The following WDPCP variants were observed in gnomAD, a reference collection of about 807,000 sequenced individuals.
WDPCP encodes WD repeat containing planar cell polarity effector.
WDPCP carries 71 observed loss-of-function variants against 93.1 expected under a neutral mutation model. The observed-to-expected ratio is 0.76, with a 90% CI of 0.63 to 0.93. The LOEUF is 0.93. WDPCP is among the 40% of genes least tolerant of loss of function. The pLI, the probability that WDPCP is intolerant of heterozygous loss-of-function variation, is 0.00. For missense variants in WDPCP, 844 were observed against 887.4 expected (o/e 0.95, Z 0.62); for synonymous variants, 315 against 315.0 (o/e 1.00, Z 0.00).
chr2:63,146,620 C>T (rs1474590084), intron 17 of WDPCP, among the ~76,000 whole-genome samples: 1 of 152,010 alleles, frequency 6.6e-6, no homozygotes, highest in Admixed American at 6.6e-5. Flanking sequence ...CGTGATCTAC[C>T]CGCCTCGGCC....
chr2:63,416,200 C>CTTT (rs70965129), intron 9 of WDPCP, among the ~76,000 whole-genome samples: 1 of 147,736 alleles, frequency 6.8e-6, no homozygotes, highest in Non-Finnish European at 1.5e-5. Flanking sequence ...CTTTTTTTTC[C>CTTT]TTTTTTTTTT....
At chr2:63,593,548 A>T (rs1192078010), upstream of WDPCP, 1 of 471,110 alleles carries the variant, frequency 2.1e-6, no homozygotes, top group Non-Finnish European at 4.4e-6. Context: ...CGTGACTCTC[A>T]TCTGGAAGAA....
At chr2:63,269,866 C>A (rs888115885) in intron 13 of WDPCP, among the ~76,000 whole-genome samples, 2 of 152,186 alleles carry the variant, frequency 1.3e-5, no homozygotes, top group Non-Finnish European at 2.9e-5. Context: ...GCCTTCAACA[C>A]ATTCAAATTC....
chr2:63,231,718 A>G (rs1468308436), intron 14 of WDPCP, among the ~76,000 whole-genome samples: 4 of 152,192 alleles, frequency 2.6e-5, no homozygotes, highest in African/African-American at 7.2e-5. Context: ...ATGCTCATGG[A>G]TAGGAAGAAT....
intron 15 of WDPCP, among the ~76,000 whole-genome samples, chr2:63,172,805 A>T (rs1673496557): frequency 3.3e-5 from 5 of 152,202 alleles, no homozygotes. Flanking sequence ...GCTATAAAGT[A>T]CCATGCAATC....
At chr2:63,832,436 G>C (rs952641417), upstream of WDPCP, among the ~76,000 whole-genome samples, 6 of 151,690 alleles carry the variant, frequency 4.0e-5, no homozygotes, top group African/African-American at 9.7e-5. Flanking sequence ...GGGTGGGGGG[G>C]GGAAATTCCA....
chr2:63,601,314 A>T (rs888236719), intron 3 of WDPCP, among the ~76,000 whole-genome samples: 2 of 152,212 alleles, frequency 1.3e-5, no homozygotes, highest in Non-Finnish European at 2.9e-5. Flanking sequence ...TTTGTCTTGG[A>T]ATTCAGAGGC....
At chr2:63,732,912 G>A (rs1257428291) in intron 2 of WDPCP, among the ~76,000 whole-genome samples, 1 of 152,168 alleles carries the variant, frequency 6.6e-6, no homozygotes, top group Non-Finnish European at 1.5e-5. Context: ...CTACAGATAT[G>A]TAAAAAGTCA....
chr2:63,767,835 T>C (rs1473184332), intron 2 of WDPCP, among the ~76,000 whole-genome samples: 1 of 152,098 alleles, frequency 6.6e-6, no homozygotes, highest in Non-Finnish European at 1.5e-5. Flanking sequence ...TGTCTCAATT[T>C]TGATAGAGTT....
intron 6 of WDPCP, among the ~76,000 whole-genome samples, chr2:63,461,991 C>T (rs1371264839): frequency 1.3e-5 from 2 of 152,214 alleles, no homozygotes; most frequent in African/African-American, 4.8e-5. Flanking sequence ...CCAGCCATCC[C>T]ATTACTGGGT....
chr2:63,161,735 G>A (rs921651058), intron 15 of WDPCP, among the ~76,000 whole-genome samples: 2 of 150,942 alleles, frequency 1.3e-5, no homozygotes, highest in African/African-American at 4.9e-5. Flanking sequence ...AATATATGTT[G>A]TAATTTCAAC....
chr2:63,770,094 A>T (rs368937422), intron 2 of WDPCP, among the ~76,000 whole-genome samples: 2 of 152,012 alleles, frequency 1.3e-5, no homozygotes, highest in African/African-American at 4.8e-5. Flanking sequence ...GTAATAAAGG[A>T]TAATTTAAAA....
At chr2:63,283,687 TC>T (rs1435274476) in intron 13 of WDPCP, among the ~76,000 whole-genome samples, 1 of 152,224 alleles carries the variant, frequency 6.6e-6, no homozygotes, top group African/African-American at 2.4e-5. Context: ...AAGCACAGCA[TC>T]CCAAATCTAA....
intron 10 of WDPCP, among the ~76,000 whole-genome samples, chr2:63,393,852 G>T (rs1693488757): frequency 6.6e-6 from 1 of 152,098 alleles, no homozygotes; most frequent in South Asian, 2.1e-4. Context: ...ATTGTACTGG[G>T]ATAACTGGCT....
At position 63,597,732 on chromosome 2, in the gene WDPCP, T is replaced by C. The variant is rs956598819; in HGVS notation, n.488+52927A>G. ...AGTTTTGCTTGATAAGCTCTCCCTT[T>C]CTGGGTTTTTTCTTACAGTATAGAA... On this transcript the variant is annotated intron_variant and non_coding_transcript_variant, in intron 3 of 4. Transcript: ENST00000467687. 8 of 555,488 alleles carry C rather than the reference T, an allele frequency of 1.4e-5. No individual in the cohort carries two copies. The African/African-American group carries it at 1.6e-4, about 11-fold the overall frequency. The allele number at this position is 555,488 out of a possible 1,614,324, so 34.4% of individuals were successfully genotyped here.
chr2:63,377,711 C>T (rs553163357), intron 12 of WDPCP: 1 of 151,404 alleles, frequency 6.6e-6, no homozygotes, highest in Non-Finnish European at 1.5e-5. Context: ...ATAGTACTGC[C>T]ACATTTATAT....
At chr2:63,762,578 G>A (rs1402290192) in intron 2 of WDPCP, among the ~76,000 whole-genome samples, 2 of 152,108 alleles carry the variant, frequency 1.3e-5, no homozygotes, top group African/African-American at 4.8e-5. Context: ...GAAATCCCAG[G>A]TTGAAAGGCC....
chr2:63,528,703 T>G (rs1484195023), intron 1 of WDPCP, among the ~76,000 whole-genome samples: 1 of 152,210 alleles, frequency 6.6e-6, no homozygotes, highest in Non-Finnish European at 1.5e-5. Flanking sequence ...TGTGGGCTCT[T>G]TTTTGGTTAC....
chr2:63,794,142 T>A (rs993892123), intron 2 of WDPCP, among the ~76,000 whole-genome samples: 2 of 152,154 alleles, frequency 1.3e-5, no homozygotes, highest in African/African-American at 4.8e-5. Context: ...CCATTCTGAA[T>A]TGCTCTCTTT....
Sources: allele counts gnomAD v4.1 joint callset (sites outside exome capture counted in the v4.1 genomes callset), GRCh38; gene constraint gnomAD v4.1.1; transcripts MANE v1.5; gene names NCBI Gene and HGNC (gene_info 2026-07-23, HGNC 2026-07-21).